The following GREB1 variants were observed in gnomAD, a reference collection of about 807,000 sequenced individuals.
GREB1 encodes the protein growth regulating estrogen receptor binding 1.
In GREB1, 106 loss-of-function variants were observed where a neutral mutation model predicts 200.7. The observed-to-expected ratio is 0.53, with a 90% CI of 0.45 to 0.62. GREB1 has a LOEUF of 0.62. Among genes scored for constraint, GREB1 ranks in the 20% least tolerant of loss-of-function variants. GREB1 has a pLI of 0.00. For synonymous variants in GREB1, 1,132 were observed against 1,092.4 expected, an observed-to-expected ratio of 1.04 and a Z score of -0.72; for missense variants, 2,243 against 2,556.8, an observed-to-expected ratio of 0.88 and a Z score of 2.65.
chr2:11,595,008 TA>T (rs754419147), intron 11 of GREB1, among the ~76,000 whole-genome samples: 4 of 150,564 alleles, frequency 2.7e-5, no homozygotes, highest in Admixed American at 6.6e-5. Context: ...TTTTTTTTTT[TA>T]AATAAATTAT....
chr2:11,610,747 C>T lies in GREB1; in HGVS notation c.2726C>T (p.Ala909Val). ...TTTGTTCTCGTGCAGCACTACGCGG[C>T]CGCCCTGATGGCCGTAAGCGGCCTC... ...RTFVLVQHYA[A>V]ALMAVSGLPQ... Residue 909 changes from alanine (A) to valine (V), a missense_variant, in exon 18 of 33, where the codon GCC becomes GTC. Ala to Val is a moderately conservative substitution (Grantham distance 64). Coordinates refer to ENST00000381486, the MANE Select transcript of GREB1 (RefSeq NM_014668.4). 2.5e-6 allele frequency: 4 copies of T among 1,613,512 alleles called. No individual in the cohort carries two copies. Among genetic ancestry groups the T allele is most frequent in the Non-Finnish European group, 3.4e-6 (4 of 1,179,998 alleles).
rs1188403116 is a variant in GREB1 at position 11,489,329 on chromosome 2, C to T, written c.-159+6948C>T. Among the ~76,000 whole-genome samples, 6 of 151,908 alleles carry T rather than the reference C, an allele frequency of 3.9e-5. No individual in the cohort carries two copies. In the East Asian group the frequency reaches 1.2e-3, roughly 29 times the overall value. On this transcript the variant is annotated intron_variant, in intron 1 of 2. Transcript: ENST00000628795. Reference sequence around the variant, plus strand: ...CAAAAATTAGCCGGGCGTGGTGGCGCGTGCCTGTAATCCCAGCTACTTGGG... The same window carrying T: ...CAAAAATTAGCCGGGCGTGGTGGCGTGTGCCTGTAATCCCAGCTACTTGGG...
chr2:11,529,039 G>A (rs1240825362), intron 1 of GREB1, among the ~76,000 whole-genome samples: 1 of 152,096 alleles, frequency 6.6e-6, no homozygotes, highest in Admixed American at 6.6e-5. Context: ...CCATTCACCA[G>A]AATTCAGAGA....
chr2:11,606,313 A>G (rs1468301995), intron 17 of GREB1, among the ~76,000 whole-genome samples: 2 of 152,246 alleles, frequency 1.3e-5, no homozygotes, highest in African/African-American at 2.4e-5. Flanking sequence ...TCAGAATTTC[A>G]GTGGCTCCAC....
chr2:11,612,703 C>G, intron 19 of GREB1, 93 bp downstream of exon 19: 1 of 756,432 alleles, frequency 1.3e-6, no homozygotes, highest in Non-Finnish European at 2.3e-6. Context: ...TGTGCCCTGA[C>G]GGTAGGCAGC....
rs564826620 is a variant in GREB1, at chr2:11,505,120, C to T, written c.-159+22739C>T. ...CTAATTTTTGCATTTTTAGTAGAGA[C>T]GGGGTTTCACCATGTTGGCCAGGCT... On this transcript the variant is annotated intron_variant, in intron 1 of 2. Transcript: ENST00000628795. Among the ~76,000 whole-genome samples the T allele has an allele frequency of 5.3e-5, 8 of 152,110 alleles. No individual in the cohort carries two copies. In the East Asian group the frequency reaches 7.8e-4, roughly 15 times the overall value.
At chr2:11,596,078 C>A (rs752495111) in intron 12 of GREB1, 33 bp from the exon 13 acceptor site, 2 of 1,597,578 alleles carry the variant, frequency 1.3e-6, no homozygotes, top group Non-Finnish European at 1.7e-6. Context: ...TCACTGACAT[C>A]AAAAACCCAT....
chr2:11,590,702 AG>A (rs1680641186), intron 10 of GREB1, among the ~76,000 whole-genome samples: 1 of 152,182 alleles, frequency 6.6e-6, no homozygotes, highest in South Asian at 2.1e-4. Context: ...TCCCCCAGCT[AG>A]GGTGTAAGCT....
intron 9 of GREB1, chr2:11,587,674 G>T: frequency 7.7e-7 from 1 of 1,292,736 alleles, no homozygotes; most frequent in Non-Finnish European, 9.9e-7. Context: ...TGACTAAATG[G>T]AGTACCTGGA....
chr2:11,576,529 G>A lies in GREB1; in HGVS notation c.631G>A (p.Gly211Ser), dbSNP rs1218630074. The change falls in exon 5 of 33, where the codon GGC (glycine) becomes AGC (serine). Residue 211 changes from glycine (G) to serine (S), a missense_variant. Physicochemically the swap from Gly to Ser is moderately conservative, Grantham distance 56 (BLOSUM62 0). Coordinates refer to ENST00000381486, the MANE Select transcript of GREB1 (RefSeq NM_014668.4). Reference protein sequence around the residue: ...LTKGPLICWKGSEFRSRQIPA... With the variant: ...LTKGPLICWKSSEFRSRQIPA... ...CAAAGGACCTTTAATCTGTTGGAAAGGCTCAGGTGAGCAGGTTGGCTGTGG... is the reference window on the plus strand; with the variant it reads ...CAAAGGACCTTTAATCTGTTGGAAAAGCTCAGGTGAGCAGGTTGGCTGTGG... 1.2e-6 allele frequency: 2 copies of A among 1,612,056 alleles called. No individual in the cohort carries two copies. Among genetic ancestry groups the A allele is most frequent in the East Asian group, 2.2e-5 (1 of 44,858 alleles).
At chr2:11,590,505 C>T (rs927992384) in intron 10 of GREB1, among the ~76,000 whole-genome samples, 2 of 152,198 alleles carry the variant, frequency 1.3e-5, no homozygotes, top group Non-Finnish European at 2.9e-5. Context: ...GTGGCATGCT[C>T]TTGCCAAAGA....
intron 1 of GREB1, chr2:11,517,281 T>C (rs1673539515): frequency 6.6e-6 from 1 of 152,638 alleles, no homozygotes; most frequent in Non-Finnish European, 1.5e-5. Flanking sequence ...GTGCTGATCC[T>C]GCCTTGTGCC....
At chr2:11,502,346 C>G (rs1673072130) in intron 1 of GREB1, among the ~76,000 whole-genome samples, 1 of 149,732 alleles carries the variant, frequency 6.7e-6, no homozygotes, top group Non-Finnish European at 1.5e-5. Flanking sequence ...TCTGCCTCCT[C>G]AGGAGTTGTT....
At chr2:11,509,789 G>A (rs1394223732) in intron 1 of GREB1, among the ~76,000 whole-genome samples, 1 of 152,198 alleles carries the variant, frequency 6.6e-6, no homozygotes, top group African/African-American at 2.4e-5. Context: ...CAGAGACGGA[G>A]CCCTCACCAG....
chr2:11,617,223 G>A (rs1683488507), intron 21 of GREB1, among the ~76,000 whole-genome samples: 1 of 152,228 alleles, frequency 6.6e-6, no homozygotes, highest in Admixed American at 6.5e-5. Flanking sequence ...GCTCCACACG[G>A]TCTCTGCCCT....
At chr2:11,575,226 A>G (rs1260588513) in intron 4 of GREB1, among the ~76,000 whole-genome samples, 2 of 152,218 alleles carry the variant, frequency 1.3e-5, no homozygotes, top group Non-Finnish European at 2.9e-5. Context: ...TAGCTTCAGC[A>G]TCTCCCCAGC....
chr2:11,506,146 C>G (rs1374015782), intron 1 of GREB1, among the ~76,000 whole-genome samples: 1 of 152,092 alleles, frequency 6.6e-6, no homozygotes, highest in Non-Finnish European at 1.5e-5. Context: ...TGCACATGGT[C>G]CCCGTGCTCA....
At chr2:11,579,287 G>A (rs950954487) in intron 6 of GREB1, among the ~76,000 whole-genome samples, 1 of 152,234 alleles carries the variant, frequency 6.6e-6, no homozygotes, top group Non-Finnish European at 1.5e-5. Flanking sequence ...TGGAGAGCCT[G>A]CTGTTTTTGC....
At chr2:11,558,412 A>G (rs1572695576) in intron 2 of GREB1, among the ~76,000 whole-genome samples, 1 of 152,198 alleles carries the variant, frequency 6.6e-6, no homozygotes, top group African/African-American at 2.4e-5. Flanking sequence ...GGCACTGTCC[A>G]GGGACAGCGC....
Sources: gnomAD v4.1 joint callset for allele counts (sites outside exome capture counted in the v4.1 genomes callset) on GRCh38, gnomAD v4.1.1 for gene constraint, MANE v1.5 for transcripts, NCBI Gene and HGNC (gene_info 2026-07-23, HGNC 2026-07-21) for gene names.